PDE1A: variants seen among roughly 807,000 people sequenced by gnomAD.
The protein encoded by PDE1A is dual specificity calcium/calmodulin-dependent 3',5'-cyclic nucleotide phosphodiesterase 1A.
In PDE1A, 35 loss-of-function variants were observed where a neutral mutation model predicts 61.7. That is an observed-to-expected ratio of 0.57 (90% CI 0.43 to 0.75). The LOEUF is 0.75. PDE1A is among the 30% of genes least tolerant of loss of function. The pLI is 0.00. For synonymous variants in PDE1A, 232 were observed against 213.2 expected (o/e 1.09, Z -0.77); for missense variants, 597 against 630.6 (o/e 0.95, Z 0.57).
At chr2:182,186,067 A>C in exon 13 of PDE1A, 1 of 1,613,830 alleles carries the variant, frequency 6.2e-7, no homozygotes, top group Non-Finnish European at 8.5e-7. Context: ...GTAACCCCAC[A>C]ATGGTGGTTG....
the PDE1A span, among the ~76,000 whole-genome samples, chr2:182,643,976 T>C: frequency 6.6e-6 from 1 of 152,142 alleles, no homozygotes. Context: ...TGATGGATGA[T>C]ACATAAATGC....
At chr2:182,526,527 G>A (rs530537554), upstream of PDE1A, among the ~76,000 whole-genome samples, 4 of 152,292 alleles carry the variant, frequency 2.6e-5, no homozygotes, top group Non-Finnish European at 5.9e-5. Flanking sequence ...GTGTGGCCAA[G>A]AGATACCTGA....
intron 1 of PDE1A, among the ~76,000 whole-genome samples, chr2:182,306,189 T>C (rs771518992): frequency 6.6e-6 from 1 of 152,148 alleles, no homozygotes; most frequent in Non-Finnish European, 1.5e-5. Context: ...GGTTCATCTA[T>C]TTTGCCACAA....
chr2:182,648,536 TA>T, the PDE1A span, among the ~76,000 whole-genome samples: 1 of 92,212 alleles, frequency 1.1e-5, no homozygotes, highest in African/African-American at 4.3e-5. Flanking sequence ...AAAAAAAAAT[TA>T]AAAAAATTAC....
chr2:182,242,103 C>T (rs1211792769), intron 2 of PDE1A: 6 of 1,269,110 alleles, frequency 4.7e-6, no homozygotes. Flanking sequence ...AAGCATTCCA[C>T]TGCAGCCTAG....
At chr2:182,408,353 A>T (rs934297358) in intron 1 of PDE1A, among the ~76,000 whole-genome samples, 1 of 152,186 alleles carries the variant, frequency 6.6e-6, no homozygotes, top group African/African-American at 2.4e-5. Context: ...GTATTACCTT[A>T]AAAAAGTTAG....
At chr2:182,565,287 T>G in the PDE1A span, among the ~76,000 whole-genome samples, 2 of 152,204 alleles carry the variant, frequency 1.3e-5, no homozygotes, top group Admixed American at 1.3e-4. Context: ...GACCCTCAGC[T>G]GCAGGTCTGT....
At chr2:182,527,338 A>ATG (rs1690792870), upstream of PDE1A, among the ~76,000 whole-genome samples, 2 of 7,148 alleles carry the variant, frequency 2.8e-4, no homozygotes, top group African/African-American at 5.9e-4. Flanking sequence ...ATATATATAT[A>ATG]TATATATATA....
intron 1 of PDE1A, among the ~76,000 whole-genome samples, chr2:182,380,916 A>G (rs1432502005): frequency 1.3e-5 from 2 of 152,222 alleles, no homozygotes; most frequent in Admixed American, 6.5e-5. Context: ...CCAGTATCCT[A>G]GAAATGAGAA....
At chr2:182,488,598 C>T (rs2368294) in intron 2 of PDE1A, among the ~76,000 whole-genome samples, 100,793 of 152,038 alleles carry the variant, frequency 0.66, 36,026 homozygotes, top group East Asian at 0.96. Context: ...AAATACCTGT[C>T]TATCTACTGA....
chr2:182,208,053 G>A (rs1489739416), intron 7 of PDE1A, among the ~76,000 whole-genome samples: 1 of 152,240 alleles, frequency 6.6e-6, no homozygotes, highest in African/African-American at 2.4e-5. Context: ...GAAGTCTGCT[G>A]CAGGGGCAGA....
intron 1 of PDE1A, among the ~76,000 whole-genome samples, chr2:182,280,868 T>C (rs1306056793): frequency 6.6e-6 from 1 of 151,864 alleles, no homozygotes; most frequent in Non-Finnish European, 1.5e-5. Context: ...ATGATAGTAA[T>C]AAGGTGGCAG....
intron 1 of PDE1A, among the ~76,000 whole-genome samples, chr2:182,363,168 C>T (rs1479497718): frequency 6.6e-6 from 1 of 151,802 alleles, no homozygotes; most frequent in Non-Finnish European, 1.5e-5. Flanking sequence ...CCATGACACC[C>T]GTTTACCTAT....
At chr2:182,157,018 TA>T (rs11351148) in intron 13 of PDE1A, among the ~76,000 whole-genome samples, 19,239 of 145,718 alleles carry the variant, frequency 0.13, 3,339 homozygotes, top group African/African-American at 0.4. Flanking sequence ...TATTTTATTT[TA>T]TTTTTTTTTT....
chr2:182,153,123 A>G (rs921254611), intron 13 of PDE1A, among the ~76,000 whole-genome samples: 2 of 152,250 alleles, frequency 1.3e-5, no homozygotes, highest in Non-Finnish European at 1.5e-5. Context: ...AAAAATTTAT[A>G]TGTATATTCA....
chr2:182,611,136 C>T, the PDE1A span, among the ~76,000 whole-genome samples: 1 of 152,192 alleles, frequency 6.6e-6, no homozygotes, highest in Non-Finnish European at 1.5e-5. Context: ...CTCCCTGAAC[C>T]TCTGGTCCTC....
Position 182,474,956 on chromosome 2 carries a change from G to GA in PDE1A, c.101+47319dup, listed in dbSNP as rs559667650. Among the ~76,000 whole-genome samples the GA allele has an allele frequency of 3.1e-3, 465 of 152,034 alleles. 4 individuals are homozygous for GA. Among genetic ancestry groups the GA allele is most frequent in the African/African-American group, 0.011 (443 of 41,524 alleles). ...ACTGCCACAGTCTCTCTCTAAATGGGAAATGGATCATGTCTGAGAGAAAAG... is the reference window on the plus strand; with the variant it reads ...ACTGCCACAGTCTCTCTCTAAATGGGAAAATGGATCATGTCTGAGAGAAAAG... On this transcript the variant is annotated intron_variant, in intron 2 of 14. Coordinates refer to the PDE1A transcript ENST00000410103.
At chr2:182,474,744 T>C (rs1687247642) in intron 2 of PDE1A, among the ~76,000 whole-genome samples, 1 of 151,902 alleles carries the variant, frequency 6.6e-6, no homozygotes, top group African/African-American at 2.4e-5. Context: ...TAAAACTCCC[T>C]GGCTTACTCT....
chr2:182,388,340 C>G (rs1033522308), intron 1 of PDE1A, among the ~76,000 whole-genome samples: 1 of 152,120 alleles, frequency 6.6e-6, no homozygotes, highest in African/African-American at 2.4e-5. Flanking sequence ...CAGATATATA[C>G]AGAAAACTTC....
Sources: gnomAD v4.1 joint callset for allele counts (sites outside exome capture counted in the v4.1 genomes callset) on GRCh38, gnomAD v4.1.1 for gene constraint, MANE v1.5 for transcripts, NCBI Gene and HGNC (gene_info 2026-07-23, HGNC 2026-07-21) for gene names.